Variants in WDR70 observed in about 807,000 individuals in gnomAD.
WDR70 encodes WD repeat-containing protein 70.
In WDR70, 53 loss-of-function variants were observed where a neutral mutation model predicts 88.6. The ratio of observed to expected loss-of-function variants is 0.60; its 90% confidence interval spans 0.48 to 0.75. The LOEUF (loss-of-function observed/expected upper bound fraction) is 0.75, where lower values mean the gene tolerates loss of function less well. WDR70 is among the 30% of genes least tolerant of loss of function. WDR70 has a pLI of 0.00. For synonymous variants in WDR70, 280 were observed against 270.0 expected, an observed-to-expected ratio of 1.04 and a Z score of -0.36; for missense variants, 610 against 823.2, an observed-to-expected ratio of 0.74 and a Z score of 3.17.
chr5:37,707,907 C>CT (rs1318756730), intron 13 of WDR70, among the ~76,000 whole-genome samples: 2 of 84,086 alleles, frequency 2.4e-5, no homozygotes, highest in African/African-American at 8.4e-5. Context: ...GGGTGAGACT[C>CT]TGTCTCAAAA....
At chr5:37,574,730 C>T (rs760384726) in intron 9 of WDR70, among the ~76,000 whole-genome samples, 12 of 152,130 alleles carry the variant, frequency 7.9e-5, no homozygotes, top group South Asian at 2.1e-4. Flanking sequence ...TTCTCCAAAC[C>T]GGTAGCTCTC....
chr5:37,441,577 C>T (rs1000600310), intron 6 of WDR70, among the ~76,000 whole-genome samples: 3 of 152,040 alleles, frequency 2.0e-5, no homozygotes, highest in East Asian at 1.9e-4. Context: ...CCCAGCTTTG[C>T]GAGTCTGAGG....
chr5:37,641,573 C>T (rs574947470), intron 10 of WDR70, among the ~76,000 whole-genome samples: 6 of 152,078 alleles, frequency 3.9e-5, no homozygotes, highest in South Asian at 2.1e-4. Flanking sequence ...TGTGCCACTA[C>T]GCCCTGCTAA....
chr5:37,402,771 C>T (rs1455243036), intron 5 of WDR70, among the ~76,000 whole-genome samples: 1 of 151,850 alleles, frequency 6.6e-6, no homozygotes, highest in Admixed American at 6.6e-5. Context: ...ATATTGGTAC[C>T]TGTTAATCAG....
chr5:37,562,446 CT>C (rs764940127), intron 9 of WDR70, among the ~76,000 whole-genome samples: 3,642 of 115,462 alleles, frequency 0.032, 131 homozygotes, highest in African/African-American at 0.087. Context: ...GCTTAATTCT[CT>C]TTTTTTTTTT....
intron 10 of WDR70, among the ~76,000 whole-genome samples, chr5:37,622,193 TA>T (rs1408577243): frequency 6.6e-6 from 1 of 152,142 alleles, no homozygotes; most frequent in African/African-American, 2.4e-5. Context: ...CACAATGAGA[TA>T]CCATCTCTCA....
At chr5:37,677,485 G>T (rs965770431) in intron 10 of WDR70, among the ~76,000 whole-genome samples, 2 of 152,038 alleles carry the variant, frequency 1.3e-5, no homozygotes, top group Non-Finnish European at 2.9e-5. Context: ...CCTTCGTTTC[G>T]TTATGTACCC....
chr5:37,435,869 G>A (rs1353354823), intron 5 of WDR70, among the ~76,000 whole-genome samples: 1 of 151,964 alleles, frequency 6.6e-6, no homozygotes, highest in Non-Finnish European at 1.5e-5. Context: ...ACCTCTCTGT[G>A]TGTGTATGTA....
chr5:37,469,485 CAG>C (rs1255144996), intron 7 of WDR70, among the ~76,000 whole-genome samples: 2 of 152,118 alleles, frequency 1.3e-5, no homozygotes, highest in African/African-American at 2.4e-5. Context: ...ACAGAGGAAA[CAG>C]AATGCATAAC....
At chr5:37,490,842 A>G (rs1740044907) in intron 8 of WDR70, among the ~76,000 whole-genome samples, 1 of 152,054 alleles carries the variant, frequency 6.6e-6, no homozygotes, top group East Asian at 1.9e-4. Context: ...TGCTGGGGAT[A>G]TTTCTGCTGT....
intron 9 of WDR70, among the ~76,000 whole-genome samples, chr5:37,543,409 G>T (rs532014151): frequency 3.9e-5 from 6 of 152,202 alleles, no homozygotes; most frequent in Admixed American, 1.3e-4. Context: ...ACCAGCTGAT[G>T]AATAGGTGTG....
chr5:37,379,492 C>T lies in WDR70; in HGVS notation c.29C>T (p.Thr10Ile), dbSNP rs1204999779. 3.1e-6 allele frequency: 5 copies of T among 1,614,004 alleles called. No individual in the cohort carries two copies. Among genetic ancestry groups the T allele is most frequent in the Non-Finnish European group, 4.2e-6 (5 of 1,179,880 alleles). ...CTCTCTTTTCCTCTTGCTCCAGTGA[C>T]AGGCTCAGACGCGTCGGGACCGGAC... Reference protein sequence around the residue: MERSGPSEVTGSDASGPDPQ... With the variant: MERSGPSEVIGSDASGPDPQ... Residue 10 changes from threonine (T) to isoleucine (I), a missense_variant, in exon 2 of 18, where the codon ACA becomes ATA. Transcript: ENST00000265107.
intron 3 of WDR70, among the ~76,000 whole-genome samples, chr5:37,383,937 C>T (rs1748515365): frequency 6.6e-6 from 1 of 152,146 alleles, no homozygotes; most frequent in Admixed American, 6.6e-5. Context: ...CATGAACTAC[C>T]ATGTACCTAT....
intron 5 of WDR70, among the ~76,000 whole-genome samples, chr5:37,413,644 C>A (rs1377410846): frequency 6.7e-6 from 1 of 149,980 alleles, no homozygotes; most frequent in East Asian, 2.0e-4. Context: ...TCATTTTGAA[C>A]CAGGGAGGCG....
intron 9 of WDR70, among the ~76,000 whole-genome samples, chr5:37,576,113 CCCTCCCTCCCT>C (rs1388990536): frequency 6.2e-5 from 6 of 96,700 alleles, no homozygotes; most frequent in Non-Finnish European, 1.2e-4. Flanking sequence ...CCGCCTCCTT[CCCTCCCTCCCT>C]CCGCCCTCCT....
intron 10 of WDR70, among the ~76,000 whole-genome samples, chr5:37,610,646 C>G (rs898202821): frequency 6.6e-6 from 1 of 151,934 alleles, no homozygotes; most frequent in Non-Finnish European, 1.5e-5. Context: ...GAGAATAAGA[C>G]AAAAGAAATT....
At chr5:37,623,585 T>C (rs939620989) in intron 10 of WDR70, among the ~76,000 whole-genome samples, 1 of 152,168 alleles carries the variant, frequency 6.6e-6, no homozygotes, top group South Asian at 2.1e-4. Context: ...TTTATACTAT[T>C]TCATAGAGCT....
At chr5:37,589,969 G>A (rs1396261097) in intron 9 of WDR70, among the ~76,000 whole-genome samples, 1 of 152,092 alleles carries the variant, frequency 6.6e-6, no homozygotes, top group African/African-American at 2.4e-5. Flanking sequence ...AGAGGTATTT[G>A]GTTTATAAGA....
chr5:37,474,067 TTG>T (rs1240315692), intron 7 of WDR70, among the ~76,000 whole-genome samples: 2 of 152,208 alleles, frequency 1.3e-5, no homozygotes, highest in African/African-American at 4.8e-5. Flanking sequence ...CTAATTTGTA[TTG>T]TGTTTTTTTC....
Sources: allele counts gnomAD v4.1 joint callset (sites outside exome capture counted in the v4.1 genomes callset), GRCh38; gene constraint gnomAD v4.1.1; transcripts MANE v1.5; gene names NCBI Gene and HGNC (gene_info 2026-07-23, HGNC 2026-07-21).